Variants in YIPF1 observed in about 807,000 individuals in gnomAD.
YIPF1 encodes protein YIPF1.
YIPF1 carries 22 observed loss-of-function variants against 37.0 expected under a neutral mutation model. The ratio of observed to expected loss-of-function variants is 0.59; its 90% confidence interval spans 0.42 to 0.85. The LOEUF (loss-of-function observed/expected upper bound fraction) is 0.85, where lower values mean the gene tolerates loss of function less well. Among genes scored for constraint, YIPF1 ranks in the 40% least tolerant of loss-of-function variants. YIPF1 has a pLI of 0.00. For missense variants in YIPF1, 355 were observed against 373.1 expected, an observed-to-expected ratio of 0.95 and a Z score of 0.40; for synonymous variants, 128 against 131.9, an observed-to-expected ratio of 0.97 and a Z score of 0.21.
intron 10 of YIPF1, among the ~76,000 whole-genome samples, chr1:53,857,634 T>C (rs1373660597): frequency 6.6e-6 from 1 of 152,098 alleles, no homozygotes; most frequent in African/African-American, 2.4e-5. Context: ...CATCTATACA[T>C]ACAATGTGGT....
At chr1:53,862,866 C>G (rs1649920241) in intron 9 of YIPF1, among the ~76,000 whole-genome samples, 1 of 152,186 alleles carries the variant, frequency 6.6e-6, no homozygotes, top group South Asian at 2.1e-4. Flanking sequence ...GGCAGGAGTC[C>G]AGAGAAGGGA....
intron 6 of YIPF1, among the ~76,000 whole-genome samples, chr1:53,873,858 G>T (rs551032847): frequency 1.3e-5 from 2 of 152,098 alleles, no homozygotes; most frequent in African/African-American, 4.8e-5. Flanking sequence ...TTAAAGGCAG[G>T]CTGGTATGGG....
At chr1:53,886,090 CA>C (rs1435940579) in intron 3 of YIPF1, among the ~76,000 whole-genome samples, 1 of 151,796 alleles carries the variant, frequency 6.6e-6, no homozygotes, top group African/African-American at 2.4e-5. Context: ...GCACAAAGGT[CA>C]AAAAGGCCCC....
intron 10 of YIPF1, among the ~76,000 whole-genome samples, chr1:53,857,425 C>T (rs753825731): frequency 3.3e-5 from 5 of 152,190 alleles, no homozygotes; most frequent in Non-Finnish European, 5.9e-5. Flanking sequence ...TCTAGACCCG[C>T]AGAGGAAGGC....
intron 7 of YIPF1, 54 bp from the exon 8 acceptor site, chr1:53,866,978 CA>C: frequency 6.4e-7 from 1 of 1,555,358 alleles, no homozygotes; most frequent in African/African-American, 1.4e-5. Context: ...AGTAGACTAT[CA>C]GAGCACTTCC....
intron 10 of YIPF1, 146 bp downstream of exon 10, chr1:53,859,910 G>A (rs1649820308): frequency 3.0e-6 from 2 of 677,324 alleles, no homozygotes; most frequent in Non-Finnish European, 4.9e-6. Context: ...CAGAAACACA[G>A]ACATGCACAT....
intron 6 of YIPF1, among the ~76,000 whole-genome samples, chr1:53,872,776 C>T (rs1650227276): frequency 6.6e-6 from 1 of 152,146 alleles, no homozygotes; most frequent in Non-Finnish European, 1.5e-5. Context: ...AAAAGGAACA[C>T]AAGCAATCAA....
At chr1:53,871,517 C>T (rs1650192061) in intron 6 of YIPF1, 29 bp from the exon 7 acceptor site, 2 of 1,547,930 alleles carry the variant, frequency 1.3e-6, no homozygotes, top group Admixed American at 1.7e-5. Flanking sequence ...AATTCAGAAA[C>T]AAGAAAATGA....
At chr1:53,860,834 A>G (rs184917867) in intron 9 of YIPF1, among the ~76,000 whole-genome samples, 72 of 152,306 alleles carry the variant, frequency 4.7e-4, no homozygotes, top group African/African-American at 1.0e-3. Context: ...GAGGTAAAGG[A>G]GGGAAGACAT....
intron 6 of YIPF1, among the ~76,000 whole-genome samples, chr1:53,876,855 T>C (rs1354709452): frequency 6.6e-6 from 1 of 152,228 alleles, no homozygotes; most frequent in African/African-American, 2.4e-5. Context: ...TTGCCATTAT[T>C]ATTGCTAACT....
At chr1:53,862,219 G>A (rs1363368011) in intron 9 of YIPF1, among the ~76,000 whole-genome samples, 11 of 152,196 alleles carry the variant, frequency 7.2e-5, no homozygotes, top group Non-Finnish European at 1.5e-4. Flanking sequence ...GAGGCTCAAA[G>A]AAATGGAGAT....
chr1:53,869,077 A>C (rs1650104870), intron 7 of YIPF1, among the ~76,000 whole-genome samples: 3 of 152,030 alleles, frequency 2.0e-5, no homozygotes, highest in Non-Finnish European at 4.4e-5. Flanking sequence ...ACAAGAAGGG[A>C]AAGTGGGCAT....
At chr1:53,870,639 GGAT>G (rs1392868864) in intron 7 of YIPF1, among the ~76,000 whole-genome samples, 1 of 152,080 alleles carries the variant, frequency 6.6e-6, no homozygotes, top group African/African-American at 2.4e-5. Context: ...TCCAAAATGT[GGAT>G]AATACAAATA....
intron 3 of YIPF1, among the ~76,000 whole-genome samples, chr1:53,884,590 T>C (rs1439560056): frequency 6.6e-6 from 1 of 152,222 alleles, no homozygotes; most frequent in African/African-American, 2.4e-5. Flanking sequence ...AGTGTCTGTG[T>C]AGAAAAAGCT....
chr1:53,853,662 C>G (rs1301969789), intron 10 of YIPF1, among the ~76,000 whole-genome samples: 1 of 152,152 alleles, frequency 6.6e-6, no homozygotes, highest in Non-Finnish European at 1.5e-5. Context: ...GCTAACTGCC[C>G]AAGTCTACTG....
intron 2 of YIPF1, 66 bp from the exon 3 acceptor site, chr1:53,889,052 G>A (rs1650732762): frequency 5.9e-6 from 5 of 846,384 alleles, no homozygotes; most frequent in Non-Finnish European, 3.8e-6. Context: ...CAACTCTTAT[G>A]TATTAGAAAT....
intron 10 of YIPF1, among the ~76,000 whole-genome samples, chr1:53,854,211 CACT>C (rs745636059): frequency 5.9e-5 from 9 of 152,084 alleles, no homozygotes; most frequent in Non-Finnish European, 1.2e-4. Context: ...GAGATTGCAC[CACT>C]GTCCTCCAGC....
chr1:53,860,542 C>T (rs1417894287), intron 9 of YIPF1, among the ~76,000 whole-genome samples: 1 of 152,206 alleles, frequency 6.6e-6, no homozygotes, highest in African/African-American at 2.4e-5. Flanking sequence ...AAAGCACAAG[C>T]TCTTAATCAC....
intron 10 of YIPF1, among the ~76,000 whole-genome samples, chr1:53,858,674 A>G (rs547325918): frequency 1.3e-5 from 2 of 152,176 alleles, no homozygotes; most frequent in East Asian, 3.9e-4. Context: ...TCTCTCTATC[A>G]TCCAGGCTAG....
Sources: gnomAD v4.1 joint callset for allele counts (sites outside exome capture counted in the v4.1 genomes callset) on GRCh38, gnomAD v4.1.1 for gene constraint, MANE v1.5 for transcripts, NCBI Gene and HGNC (gene_info 2026-07-23, HGNC 2026-07-21) for gene names.